Variants in CCAR2 observed in about 807,000 individuals in gnomAD.
The protein encoded by CCAR2 is cell cycle and apoptosis regulator protein 2.
In CCAR2, 21 loss-of-function variants were observed where a neutral mutation model predicts 108.1. The ratio of observed to expected loss-of-function variants is 0.19; its 90% CI spans 0.14 to 0.28. CCAR2 has a LOEUF of 0.28. CCAR2 is among the 10% of genes least tolerant of loss of function. The probability of loss-of-function intolerance (pLI) is 1.00; values close to 1 mark genes in which losing one functional copy is unlikely to be tolerated. For missense variants in CCAR2, 1,126 were observed against 1,177.0 expected (o/e 0.96, Z 0.63); for synonymous variants, 577 against 472.8 (o/e 1.22, Z -2.86).
At chr8:22,604,864 C>T (rs1428698166) in intron 1 of CCAR2, 22 bp downstream of exon 1, 2 of 450,750 alleles carry the variant, frequency 4.4e-6, no homozygotes, top group African/African-American at 4.0e-5. Flanking sequence ...GGCCCCCTGC[C>T]GCCCCTCTGC....
chr8:22,609,464 T>C (rs752491676), intron 7 of CCAR2, among the ~76,000 whole-genome samples: 10 of 152,210 alleles, frequency 6.6e-5, no homozygotes, highest in Non-Finnish European at 1.2e-4. Context: ...TTGTGAATTC[T>C]AAGTAGGGGG....
At chr8:22,617,885 T>G in intron 16 of CCAR2, 107 bp downstream of exon 16, 1 of 1,145,890 alleles carries the variant, frequency 8.7e-7, no homozygotes, top group Non-Finnish European at 1.3e-6. Context: ...CCTTTCTTGA[T>G]GGACCCAACA....
intron 14 of CCAR2, 51 bp downstream of exon 14, chr8:22,616,299 C>T (rs755102250): frequency 1.9e-6 from 3 of 1,542,722 alleles, no homozygotes; most frequent in South Asian, 2.2e-5. Context: ...TGACCGCGCA[C>T]CTTTACCCCG....
chr8:22,617,838 G>T (rs1801588241), intron 16 of CCAR2, 60 bp downstream of exon 16: 1 of 1,537,908 alleles, frequency 6.5e-7, no homozygotes, highest in Non-Finnish European at 9.0e-7. Context: ...CAAGGCCTCT[G>T]GCCCACTCCT....
chr8:22,617,140 A>G (rs928193482), intron 14 of CCAR2, among the ~76,000 whole-genome samples: 14 of 151,904 alleles, frequency 9.2e-5, no homozygotes, highest in Admixed American at 2.6e-4. Context: ...GTGAGCCACC[A>G]TGGCCAGCTG....
At position 22,607,264 on chromosome 8, in the gene CCAR2, G is replaced by A. The variant is rs773843786; in HGVS notation, c.426G>A (p.Leu142=). The stretch of plus-strand genomic sequence containing the variant: ...CCCTGGGCCAGAAGCAAGGGATCCT[G>A]GGAGCTCAGCCTCAGTTGATCTTCC... The part of the protein sequence containing the change: ...VAALGQKQGI[L]GAQPQLIFQP... The change falls in exon 6 of 21, where the codon CTG becomes CTA. Residue 142 remains leucine, a synonymous_variant. Coordinates refer to ENST00000308511, the MANE Select transcript of CCAR2 (RefSeq NM_001393997.1). 1 of 1,613,770 alleles carries A rather than the reference G, an allele frequency of 6.2e-7. No individual in the cohort carries two copies. Among genetic ancestry groups the A allele is most frequent in the South Asian group, 1.1e-5 (1 of 91,082 alleles).
Position 22,619,942 on chromosome 8 carries a change from A to G in CCAR2, c.*260A>G. 1 of 527,390 alleles carries G rather than the reference A, an allele frequency of 1.9e-6. No individual in the cohort carries two copies. The highest frequency in any genetic ancestry group is 1.9e-5 in the African/African-American group (1 of 52,428). The allele number at this position is 527,390 out of a possible 1,614,324, so 32.7% of individuals were successfully genotyped here. A position where few individuals can be genotyped will look rare whatever the true frequency, so the allele number is the denominator to read the frequency against. ...CCCCTAGAATGTCATTTTGCCCTCA[A>G]CCTTGGTATTTCTCCTGGGGCCCTT... On this transcript the variant is annotated 3_prime_UTR_variant, in exon 21 of 21. Coordinates refer to ENST00000308511, the MANE Select transcript of CCAR2 (RefSeq NM_001393997.1).
At chr8:22,606,521 G>C in intron 3 of CCAR2, 86 bp from the exon 4 acceptor site, 2 of 1,041,744 alleles carry the variant, frequency 1.9e-6, no homozygotes, top group Non-Finnish European at 3.0e-6. Flanking sequence ...GAGCTGGGGC[G>C]TGGGTTGAGA....
intron 1 of CCAR2, 129 bp downstream of exon 1, chr8:22,604,971 T>C (rs1419726441): frequency 9.3e-6 from 3 of 322,042 alleles, no homozygotes; most frequent in African/African-American, 2.3e-5. Context: ...CTCTTTGGAC[T>C]GCAAGTCCCG....
chr8:22,617,592 G>C, intron 15 of CCAR2, 28 bp downstream of exon 15: 1 of 1,606,142 alleles, frequency 6.2e-7, no homozygotes, highest in Non-Finnish European at 8.5e-7. Flanking sequence ...AGGGGAGCTT[G>C]CAGGCTTGGG....
intron 16 of CCAR2, chr8:22,618,128 G>T: frequency 1.6e-6 from 1 of 618,656 alleles, no homozygotes; most frequent in Non-Finnish European, 2.8e-6. Flanking sequence ...TGCCCAGGCT[G>T]GAGCACAGTG....
rs543823029 is a variant in CCAR2 at position 22,604,829 on chromosome 8, G to A, written c.-52G>A. 5.5e-5 allele frequency: 25 copies of A among 454,528 alleles called. No homozygotes were observed. The highest frequency in any genetic ancestry group is 4.2e-4 in the African/African-American group (21 of 50,098). The allele number at this position is 454,528 out of a possible 1,614,324, so 28.2% of individuals were successfully genotyped here. A position where few individuals can be genotyped will look rare whatever the true frequency, so the allele number is the denominator to read the frequency against. On this transcript the variant is annotated 5_prime_UTR_variant, in exon 1 of 21. Coordinates refer to ENST00000308511, the MANE Select transcript of CCAR2 (RefSeq NM_001393997.1). ...GTGTCTTTGTCCCCCCGGTGTCGCT[G>A]CCCTGGCCCGCAGGTGGGTTGGGGG...
intron 7 of CCAR2, among the ~76,000 whole-genome samples, chr8:22,609,938 C>T (rs954103612): frequency 2.0e-5 from 3 of 151,732 alleles, no homozygotes; most frequent in African/African-American, 2.4e-5. Flanking sequence ...ACTCTCAAAT[C>T]GAGAACTTTT....
At position 22,616,252 on chromosome 8, in the gene CCAR2, A is replaced by C; in HGVS notation, c.1845+4A>C. Reference sequence around the variant, plus strand: ...TACAGAGTCAGAGGCCCCGCTGGTGAGTACCCTGCCACCTCGGGCTGTCAT... The same window carrying C: ...TACAGAGTCAGAGGCCCCGCTGGTGCGTACCCTGCCACCTCGGGCTGTCAT... On this transcript the variant is annotated splice_donor_region_variant and intron_variant, in intron 14 of 20. Transcript: ENST00000308511. 1 of 1,611,442 alleles carries C rather than the reference A, an allele frequency of 6.2e-7. No homozygotes were observed. Among genetic ancestry groups the C allele is most frequent in the Non-Finnish European group, 8.5e-7 (1 of 1,179,504 alleles).
Position 22,619,725 on chromosome 8 carries a change from G to A in CCAR2, c.*43G>A, listed in dbSNP as rs1801687298. 11 of 1,549,066 alleles carry A rather than the reference G, an allele frequency of 7.1e-6. No individual in the cohort carries two copies. The highest frequency in any genetic ancestry group is 1.2e-5 in the South Asian group (1 of 84,106). ...GCCATCCTGTGAGGGCAGCGGTGGC[G>A]CCCGGCAAAGTTGGAGCCCTTGCGG... On this transcript the variant is annotated 3_prime_UTR_variant, in exon 21 of 21. Coordinates refer to ENST00000308511, the MANE Select transcript of CCAR2 (RefSeq NM_001393997.1).
intron 7 of CCAR2, among the ~76,000 whole-genome samples, chr8:22,611,795 T>A (rs987458463): frequency 6.6e-6 from 1 of 152,242 alleles, no homozygotes; most frequent in Non-Finnish European, 1.5e-5. Context: ...CAGTTTATGC[T>A]GCTTCATATT....
chr8:22,606,744 G>T (rs200119484), intron 4 of CCAR2, 46 bp downstream of exon 4: 5 of 1,534,142 alleles, frequency 3.3e-6, no homozygotes, highest in Non-Finnish European at 4.5e-6. Flanking sequence ...ATTGGATTCA[G>T]TTCTGTCACC....
chr8:22,611,846 T>C (rs1438316592), intron 7 of CCAR2, among the ~76,000 whole-genome samples: 3 of 152,228 alleles, frequency 2.0e-5, no homozygotes, highest in Admixed American at 6.5e-5. Flanking sequence ...TTGAATTAAC[T>C]TTCTTGGGAC....
intron 11 of CCAR2, 146 bp from the exon 12 acceptor site, chr8:22,615,279 T>C: frequency 1.9e-6 from 2 of 1,068,564 alleles, no homozygotes; most frequent in East Asian, 4.8e-5. Context: ...GGACTTGGTC[T>C]GTAGCTTTCC....
Sources: gnomAD v4.1 joint callset for allele counts (sites outside exome capture counted in the v4.1 genomes callset) on GRCh38, gnomAD v4.1.1 for gene constraint, MANE v1.5 for transcripts, NCBI Gene and HGNC (gene_info 2026-07-23, HGNC 2026-07-21) for gene names.